Variants in GRID2 observed in about 807,000 individuals in gnomAD.
GRID2 encodes the protein glutamate ionotropic receptor delta type subunit 2.
Under a neutral mutation model 114.8 loss-of-function variants are expected in GRID2, and 33 were observed. That is an observed-to-expected ratio of 0.29 (90% CI 0.22 to 0.38). The LOEUF (loss-of-function observed/expected upper bound fraction) is 0.38. Among genes scored for constraint, GRID2 ranks in the 10% least tolerant of loss-of-function variants. GRID2 has a pLI of 1.00. For synonymous variants in GRID2, 505 were observed against 449.9 expected (o/e 1.12, Z -1.55); for missense variants, 1,184 against 1,257.7 (o/e 0.94, Z 0.89).
chr4:93,614,025 T>C (rs1199734726), intron 13 of GRID2, among the ~76,000 whole-genome samples: 16 of 152,076 alleles, frequency 1.1e-4, no homozygotes, highest in Middle Eastern at 3.4e-3. Context: ...TGCGCCGTTT[T>C]TTAAGCCGGT....
At chr4:93,326,562 T>C (rs529712597) in intron 8 of GRID2, among the ~76,000 whole-genome samples, 3 of 152,086 alleles carry the variant, frequency 2.0e-5, no homozygotes, top group African/African-American at 7.2e-5. Context: ...GTAAACTGAA[T>C]GTTGAGAGAG....
chr4:92,815,150 A>C (rs1740831504), intron 2 of GRID2, among the ~76,000 whole-genome samples: 1 of 152,150 alleles, frequency 6.6e-6, no homozygotes, highest in African/African-American at 2.4e-5. Context: ...ATTTTTAAAA[A>C]ATCTCAAATA....
intron 5 of GRID2, among the ~76,000 whole-genome samples, chr4:93,215,529 A>G (rs1744104528): frequency 1.3e-5 from 2 of 152,016 alleles, no homozygotes; most frequent in African/African-American, 4.8e-5. Flanking sequence ...CACAGACTAA[A>G]GGAAAAAGAC....
chr4:93,550,708 T>C (rs1733673832), intron 13 of GRID2, among the ~76,000 whole-genome samples: 1 of 152,170 alleles, frequency 6.6e-6, no homozygotes, highest in Non-Finnish European at 1.5e-5. Context: ...AAAGATATAT[T>C]CCAATATGTT....
At chr4:92,963,966 A>G (rs1199290973) in intron 2 of GRID2, among the ~76,000 whole-genome samples, 2 of 152,000 alleles carry the variant, frequency 1.3e-5, no homozygotes, top group African/African-American at 4.8e-5. Flanking sequence ...AACCAGGTGC[A>G]TTGTCAATAA....
intron 2 of GRID2, among the ~76,000 whole-genome samples, chr4:92,853,418 A>C (rs959271218): frequency 7.9e-5 from 12 of 152,070 alleles, no homozygotes; most frequent in African/African-American, 2.4e-4. Flanking sequence ...TTTTACACTG[A>C]CTTTCTCCAA....
intron 12 of GRID2, among the ~76,000 whole-genome samples, chr4:93,505,557 G>T (rs934102954): frequency 1.3e-4 from 19 of 149,624 alleles, no homozygotes; most frequent in African/African-American, 4.4e-4. Context: ...AGAATACTAG[G>T]ACCTTTTATA....
At chr4:93,719,076 G>A (rs1729142624) in intron 14 of GRID2, among the ~76,000 whole-genome samples, 1 of 151,644 alleles carries the variant, frequency 6.6e-6, no homozygotes, top group African/African-American at 2.4e-5. Context: ...TATATATTAA[G>A]TATATCTATG....
At chr4:93,779,425 T>C (rs10009979), downstream of GRID2, among the ~76,000 whole-genome samples, 66,097 of 151,842 alleles carry the variant, frequency 0.44, 14,861 homozygotes, top group East Asian at 0.76. Flanking sequence ...ACTGAAGCTT[T>C]GATCCTCTCA....
At chr4:93,772,009 CT>C (rs879050000) in intron 15 of GRID2, 66 bp from the exon 16 acceptor site, 123,994 of 597,380 alleles carry the variant, frequency 0.21, 1 homozygote, top group South Asian at 0.29. Flanking sequence ...TGCTGAACTA[CT>C]TTTTTTTTTT....
At position 92,990,305 on chromosome 4, in the gene GRID2, A is replaced by ATATG. The variant is rs1491418714; in HGVS notation, c.245-94689_245-94688insATGT. 9.4e-4 allele frequency among the ~76,000 whole-genome samples: 67 copies of ATATG among 71,476 alleles called. 5 individuals are homozygous for ATATG. Among genetic ancestry groups the ATATG allele is most frequent in the South Asian group, 9.6e-4 (2 of 2,088 alleles). 46.9% of individuals were successfully genotyped at this position (71,476 alleles called of 152,430 possible). A position where few individuals can be genotyped will look rare whatever the true frequency, so the allele number is the denominator to read the frequency against. On this transcript the variant is annotated intron_variant, in intron 2 of 15. Coordinates refer to ENST00000282020, the MANE Select transcript of GRID2 (RefSeq NM_001510.4). ...TGTGTGTGTATATATATATATATAT[A>ATATG]TGTGTGTGTGTGTGTGTGTGTGTAT...
chr4:93,787,672 G>C (rs1292995035), intron 1 of GRID2, among the ~76,000 whole-genome samples: 2 of 152,136 alleles, frequency 1.3e-5, no homozygotes, highest in African/African-American at 2.4e-5. Flanking sequence ...GAGTTTCGCA[G>C]TCTTGTTTAT....
intron 2 of GRID2, among the ~76,000 whole-genome samples, chr4:92,594,434 C>G (rs1430359980): frequency 1.3e-5 from 2 of 151,902 alleles, no homozygotes; most frequent in Non-Finnish European, 2.9e-5. Flanking sequence ...AGGTAACTTT[C>G]ATCTCTATGC....
chr4:92,725,640 C>G (rs568609714), intron 2 of GRID2, among the ~76,000 whole-genome samples: 1 of 151,988 alleles, frequency 6.6e-6, no homozygotes. Context: ...GGGAGATGTT[C>G]GTATCGTCTA....
intron 2 of GRID2, among the ~76,000 whole-genome samples, chr4:92,848,654 T>C (rs1743522470): frequency 6.6e-6 from 1 of 151,840 alleles, no homozygotes; most frequent in Admixed American, 6.6e-5. Flanking sequence ...GATTGATGAG[T>C]CTACATCATT....
intron 1 of GRID2, among the ~76,000 whole-genome samples, chr4:92,308,267 T>C (rs541000220): frequency 2.0e-5 from 3 of 152,328 alleles, no homozygotes; most frequent in African/African-American, 7.2e-5. Flanking sequence ...CAGTTTAATA[T>C]ATGCTCCTTT....
chr4:92,697,651 A>C (rs370597961), intron 2 of GRID2, among the ~76,000 whole-genome samples: 2 of 152,152 alleles, frequency 1.3e-5, no homozygotes, highest in Non-Finnish European at 2.9e-5. Context: ...CAGAAAAGTC[A>C]ATACAAATAG....
At chr4:92,541,882 T>C (rs555919178) in intron 1 of GRID2, among the ~76,000 whole-genome samples, 20 of 152,238 alleles carry the variant, frequency 1.3e-4, no homozygotes, top group African/African-American at 4.3e-4. Context: ...TGTGATTTTT[T>C]TTAAATAGGT....
chr4:93,016,518 C>A (rs906441469), intron 2 of GRID2, among the ~76,000 whole-genome samples: 1 of 152,154 alleles, frequency 6.6e-6, no homozygotes, highest in Admixed American at 6.6e-5. Context: ...AATCCATGTA[C>A]TTTACTCCAT....
Sources: gnomAD v4.1 joint callset for allele counts (sites outside exome capture counted in the v4.1 genomes callset) on GRCh38, gnomAD v4.1.1 for gene constraint, MANE v1.5 for transcripts, NCBI Gene and HGNC (gene_info 2026-07-23, HGNC 2026-07-21) for gene names.